Variants in NLRC5 observed in about 807,000 individuals in gnomAD.
The protein encoded by NLRC5 is protein NLRC5.
A neutral mutation model predicts 206.9 loss-of-function variants in NLRC5; 114 were observed. The observed-to-expected ratio is 0.55, with a 90% CI of 0.47 to 0.64. NLRC5 has a LOEUF of 0.64. Ranked by LOEUF, NLRC5 falls within the 30% of genes least tolerant of loss-of-function variation. NLRC5 has a pLI of 0.00. For missense variants in NLRC5, 2,008 were observed against 2,305.5 expected, an observed-to-expected ratio of 0.87 and a Z score of 2.64; for synonymous variants, 952 against 962.8, an observed-to-expected ratio of 0.99 and a Z score of 0.21.
At chr16:57,002,396 C>T (rs2142329765) in intron 1 of NLRC5, among the ~76,000 whole-genome samples, 1 of 152,314 alleles carries the variant, frequency 6.6e-6, no homozygotes, top group East Asian at 1.9e-4. Flanking sequence ...GATCCACCTG[C>T]CTCAGCCTCC....
At chr16:57,017,927 A>G (rs541204353) in intron 2 of NLRC5, among the ~76,000 whole-genome samples, 16 of 152,370 alleles carry the variant, frequency 1.1e-4, no homozygotes, top group African/African-American at 3.1e-4. Flanking sequence ...TCTGTCTCCA[A>G]GATTATTCCC....
At chr16:57,062,434 TA>T in intron 32 of NLRC5, 1 of 280,282 alleles carries the variant, frequency 3.6e-6, no homozygotes. Context: ...CTGACTCTTC[TA>T]ACCTGCGGCA....
Position 57,076,790 on chromosome 16 carries a change from G to T in NLRC5, c.4752-29G>T, listed in dbSNP as rs559918997. 12 of 1,608,818 alleles carry T rather than the reference G, an allele frequency of 7.5e-6. No individual in the cohort carries two copies. In the East Asian group the frequency reaches 2.7e-4, roughly 36 times the overall value. ...TGCAAAGGCCTTTAAGCTCCTGAAA[G>T]CCTCTTGGTCTATTCCCTGCTTTTC... On this transcript the variant is annotated intron_variant, in intron 39 of 48. Coordinates refer to ENST00000688547, the MANE Select transcript of NLRC5 (RefSeq NM_001384950.1).
intron 16 of NLRC5, 81 bp from the exon 17 acceptor site, chr16:57,040,569 G>A (rs1254828433): frequency 2.1e-6 from 3 of 1,405,320 alleles, no homozygotes; most frequent in Non-Finnish European, 1.0e-6. Flanking sequence ...GGGCTCGATG[G>A]TGGAAGGCCA....
At chr16:57,048,538 A>G (rs540310303) in intron 23 of NLRC5, among the ~76,000 whole-genome samples, 57 of 148,370 alleles carry the variant, frequency 3.8e-4, no homozygotes, top group African/African-American at 1.4e-3. Context: ...GACCTACACT[A>G]TTTTTTTTTT....
At chr16:57,041,896 T>G (rs767619036) in intron 18 of NLRC5, 86 bp from the exon 19 acceptor site, 6 of 893,082 alleles carry the variant, frequency 6.7e-6, no homozygotes, top group Non-Finnish European at 1.0e-5. Context: ...TTTCAGGAAG[T>G]TGAGTAACTG....
intron 1 of NLRC5, among the ~76,000 whole-genome samples, chr16:57,012,699 G>T (rs542003745): frequency 6.6e-6 from 1 of 152,086 alleles, no homozygotes; most frequent in Non-Finnish European, 1.5e-5. Context: ...CCCAACCCCC[G>T]TCCGGGGAAA....
intron 19 of NLRC5, among the ~76,000 whole-genome samples, chr16:57,043,171 T>C (rs1339695568): frequency 6.6e-6 from 1 of 152,162 alleles, no homozygotes; most frequent in Non-Finnish European, 1.5e-5. Context: ...ATTTTCATTT[T>C]GTCCTGGGTA....
chr16:57,080,481 A>ATTTTTTTTTT (rs34595999), intron 46 of NLRC5, among the ~76,000 whole-genome samples: 2 of 111,172 alleles, frequency 1.8e-5, no homozygotes, highest in Non-Finnish European at 3.5e-5. Flanking sequence ...TCCTTTCAAG[A>ATTTTTTTTTT]TTTTTTTTTT....
At chr16:57,011,722 A>G (rs76987818) in intron 1 of NLRC5, among the ~76,000 whole-genome samples, 2 of 3,690 alleles carry the variant, frequency 5.4e-4, no homozygotes, top group African/African-American at 8.8e-4. Context: ...CCCTGTGTCA[A>G]AAAAAAAAAA....
At position 57,076,859 on chromosome 16, in the gene NLRC5, C is replaced by A. The variant is rs146904382; in HGVS notation, c.4792C>A (p.Leu1598Ile). Reference protein sequence around the residue: ...NSIGDVGCCHLSEALRAATSL... With the variant: ...NSIGDVGCCHISEALRAATSL... ...TATCGGTGATGTCGGTTGCTGCCAC[C>A]TTTCTGAGGCTCTCAGGGCTGCCAC... The change falls in exon 40 of 49, where the codon CTT (leucine) becomes ATT (isoleucine). Residue 1598 changes from leucine to isoleucine, a missense_variant. Coordinates refer to ENST00000688547, the MANE Select transcript of NLRC5 (RefSeq NM_001384950.1). The A allele has an allele frequency of 2.1e-5, 34 of 1,613,988 alleles. No homozygotes were observed. Among genetic ancestry groups the A allele is most frequent in the Middle Eastern group, 1.6e-4 (1 of 6,078 alleles).
chr16:57,045,428 TG>T lies in NLRC5; in HGVS notation c.3204-19del, dbSNP rs750742899. 7.4e-6 allele frequency: 12 copies of T among 1,614,128 alleles called. No homozygotes were observed. In the African/African-American group the frequency reaches 1.5e-4, roughly 20 times the overall value. On this transcript the variant is annotated intron_variant, in intron 20 of 48. Coordinates refer to ENST00000688547, the MANE Select transcript of NLRC5 (RefSeq NM_001384950.1). ...TGGTCTTTGACCATTTTCAAACTGCTGCTTCCTCTCTGCTTCCAGCTTTGAA... is the reference window on the plus strand; with the variant it reads ...TGGTCTTTGACCATTTTCAAACTGCTCTTCCTCTCTGCTTCCAGCTTTGAA...
chr16:57,033,317 C>T (rs192367441), intron 11 of NLRC5, among the ~76,000 whole-genome samples: 12 of 152,296 alleles, frequency 7.9e-5, no homozygotes, highest in African/African-American at 2.9e-4. Flanking sequence ...TGTTGTCATC[C>T]GTTTTAGAAA....
At chr16:57,076,948 G>A (rs781078829) in intron 40 of NLRC5, 46 bp downstream of exon 40, 95 of 1,567,336 alleles carry the variant, frequency 6.1e-5, no homozygotes, top group Non-Finnish European at 7.8e-5. Flanking sequence ...TTTTGGCCGG[G>A]AAAGATGACA....
intron 30 of NLRC5, 37 bp from the exon 31 acceptor site, chr16:57,061,411 G>T: frequency 6.3e-7 from 1 of 1,595,448 alleles, no homozygotes; most frequent in African/African-American, 1.3e-5. Context: ...GTGCCCACAG[G>T]CCTCACCCAG....
chr16:57,047,403 G>T, intron 22 of NLRC5, 142 bp from the exon 23 acceptor site: 1 of 686,276 alleles, frequency 1.5e-6, no homozygotes, highest in Non-Finnish European at 2.5e-6. Context: ...GACTCGAGAG[G>T]GAAGCGAGTG....
rs1442463760 is a variant in NLRC5, at chr16:57,066,515, G to A, written c.4242-19G>A. 3 of 1,613,456 alleles carry A rather than the reference G, an allele frequency of 1.9e-6. No individual in the cohort carries two copies. Among genetic ancestry groups the A allele is most frequent in the Admixed American group, 1.7e-5 (1 of 60,016 alleles). On this transcript the variant is annotated intron_variant, in intron 33 of 48. Transcript: ENST00000688547. Reference sequence around the variant, plus strand: ...GGGAAGGCTGCCCGACCTCACGTTGGTTACTGCTCACTCCTCAGCATCTCC... The same window carrying A: ...GGGAAGGCTGCCCGACCTCACGTTGATTACTGCTCACTCCTCAGCATCTCC...
Position 57,078,463 on chromosome 16 carries a change from C to CTTGTTTTTTTT in NLRC5, c.5081+446_5081+456dup, listed in dbSNP as rs142858628. On this transcript the variant is annotated intron_variant, in intron 43 of 48. Transcript: ENST00000688547. ...CCCCAGAGTCCCAGAGTGCTGGGACCTTGTTTTTTTTTTTTTTTTTTTTTT... is the reference window on the plus strand; with the variant it reads ...CCCCAGAGTCCCAGAGTGCTGGGACCTTGTTTTTTTTTTGTTTTTTTTTTTTTTTTTTTTTT... 2.1e-3 allele frequency among the ~76,000 whole-genome samples: 260 copies of CTTGTTTTTTTT among 123,852 alleles called. 5 individuals carry two copies. Among genetic ancestry groups the CTTGTTTTTTTT allele is most frequent in the African/African-American group, 8.2e-3 (227 of 27,806 alleles). The allele number at this position is 123,852 out of a possible 152,430, so 81.3% of individuals were successfully genotyped here.
intron 20 of NLRC5, among the ~76,000 whole-genome samples, chr16:57,044,984 CGTTTGAGCCATGGA>C (rs1238151538): frequency 6.6e-6 from 1 of 152,022 alleles, no homozygotes; most frequent in African/African-American, 2.4e-5. Context: ...GCAGGAGGAT[CGTTTGAGCCATGGA>C]GTTTGAGACC....
Sources: allele counts gnomAD v4.1 joint callset (sites outside exome capture counted in the v4.1 genomes callset), GRCh38; gene constraint gnomAD v4.1.1; transcripts MANE v1.5; gene names NCBI Gene and HGNC (gene_info 2026-07-23, HGNC 2026-07-21).